DCLK2: variants seen among roughly 807,000 people sequenced by gnomAD.
DCLK2 encodes the protein doublecortin like kinase 2, also known as serine/threonine-protein kinase DCLK2.
DCLK2 carries 31 observed loss-of-function variants against 78.4 expected under a neutral mutation model. That is an observed-to-expected ratio of 0.40 (90% CI 0.30 to 0.53). The LOEUF (loss-of-function observed/expected upper bound fraction) is 0.53. Ranked by LOEUF, DCLK2 falls within the 20% of genes least tolerant of loss-of-function variation. DCLK2 has a pLI of 0.61. For synonymous variants in DCLK2, 407 were observed against 374.9 expected, an observed-to-expected ratio of 1.09 and a Z score of -0.99; for missense variants, 872 against 973.7, an observed-to-expected ratio of 0.90 and a Z score of 1.39.
intron 2 of DCLK2, among the ~76,000 whole-genome samples, chr4:150,151,740 C>T (rs1180506009): frequency 6.6e-6 from 1 of 152,088 alleles, no homozygotes; most frequent in Non-Finnish European, 1.5e-5. Context: ...GCCTGGCCAA[C>T]ATAGTGAAAC....
chr4:150,255,972 C>A, intron 15 of DCLK2, 48 bp from the exon 16 acceptor site: 1 of 1,592,802 alleles, frequency 6.3e-7, no homozygotes, highest in South Asian at 1.1e-5. Flanking sequence ...CAGCTGGGAC[C>A]CGAGCCTGGG....
intron 7 of DCLK2, among the ~76,000 whole-genome samples, chr4:150,223,447 T>A (rs1741348315): frequency 6.6e-6 from 1 of 152,160 alleles, no homozygotes; most frequent in Non-Finnish European, 1.5e-5. Context: ...TAAAGGTGAT[T>A]AAAAATTAAA....
At chr4:150,241,548 G>A (rs1411565685) in intron 12 of DCLK2, among the ~76,000 whole-genome samples, 1 of 152,204 alleles carries the variant, frequency 6.6e-6, no homozygotes, top group East Asian at 1.9e-4. Flanking sequence ...AGTAGCTACT[G>A]TGTGCCAGGC....
At chr4:150,130,441 C>G (rs575233099) in intron 2 of DCLK2, among the ~76,000 whole-genome samples, 1 of 151,946 alleles carries the variant, frequency 6.6e-6, no homozygotes, top group Non-Finnish European at 1.5e-5. Context: ...CCAGCCACAC[C>G]CGTACCCACA....
At chr4:150,116,804 G>A (rs2150175444) in intron 2 of DCLK2, among the ~76,000 whole-genome samples, 1 of 152,326 alleles carries the variant, frequency 6.6e-6, no homozygotes, top group Admixed American at 6.5e-5. Context: ...AGGCCATGGT[G>A]ATAGGTGAGG....
chr4:150,099,487 G>A (rs930371191), intron 1 of DCLK2, among the ~76,000 whole-genome samples: 1 of 152,320 alleles, frequency 6.6e-6, no homozygotes, highest in Non-Finnish European at 1.5e-5. Flanking sequence ...CAGATTGTTT[G>A]ATTTGGATGG....
At chr4:150,179,510 G>A (rs1217905138) in intron 2 of DCLK2, among the ~76,000 whole-genome samples, 1 of 152,108 alleles carries the variant, frequency 6.6e-6, no homozygotes, top group African/African-American at 2.4e-5. Flanking sequence ...CTCCTTAATT[G>A]ATGGTTCTCT....
chr4:150,194,701 G>A (rs1227517657), intron 3 of DCLK2, among the ~76,000 whole-genome samples: 1 of 152,084 alleles, frequency 6.6e-6, no homozygotes, highest in Non-Finnish European at 1.5e-5. Flanking sequence ...TTAGAGATAC[G>A]ATCCTCCTCT....
Position 150,221,773 on chromosome 4 carries a change from A to G in DCLK2, c.1229A>G (p.Glu410Gly). 6.3e-7 allele frequency: 1 copy of G among 1,597,172 alleles called. No individual in the cohort carries two copies. The highest frequency in any genetic ancestry group is 1.7e-5 in the Admixed American group (1 of 58,186). The part of the protein sequence containing the change: ...IGDGNFAVVK[E>G]CIDRSTGKEF... ...GATGGCAATTTTGCAGTAGTCAAAGAGTGTATAGACAGGTGAGTGGACAGT... is the reference window on the plus strand; with the variant it reads ...GATGGCAATTTTGCAGTAGTCAAAGGGTGTATAGACAGGTGAGTGGACAGT... Residue 410 changes from glutamate to glycine, a missense_variant, in exon 7 of 16, where the codon GAG (glutamate) becomes GGG (glycine). Coordinates refer to ENST00000296550, the MANE Select transcript of DCLK2 (RefSeq NM_001040260.4).
At chr4:150,099,528 C>A (rs1730715496) in intron 1 of DCLK2, among the ~76,000 whole-genome samples, 1 of 152,206 alleles carries the variant, frequency 6.6e-6, no homozygotes, top group Non-Finnish European at 1.5e-5. Flanking sequence ...GCTTGGGTAC[C>A]TTGATGGCTG....
intron 10 of DCLK2, among the ~76,000 whole-genome samples, chr4:150,234,258 A>G (rs1469629729): frequency 1.3e-5 from 2 of 152,218 alleles, no homozygotes; most frequent in Non-Finnish European, 2.9e-5. Context: ...AAGTTCAGTC[A>G]CAGCCACCTC....
chr4:150,191,594 C>A (rs1207208799), intron 2 of DCLK2, among the ~76,000 whole-genome samples: 1 of 152,128 alleles, frequency 6.6e-6, no homozygotes, highest in Non-Finnish European at 1.5e-5. Flanking sequence ...TAGAAGAGAA[C>A]AGGAACAATT....
rs142877517 is a variant in DCLK2 at position 150,228,075 on chromosome 4, CG to C, written c.1299+3518del. 1.3e-3 allele frequency among the ~76,000 whole-genome samples: 203 copies of C among 152,232 alleles called. 1 individual carries two copies. Among genetic ancestry groups the C allele is most frequent in the African/African-American group, 4.3e-3 (178 of 41,546 alleles). On this transcript the variant is annotated intron_variant, in intron 8 of 15. Coordinates refer to ENST00000296550, the MANE Select transcript of DCLK2 (RefSeq NM_001040260.4). ...ATCATATCCCACCAGTCTCTGCCTC[CG>C]TCTTCACGCTGCCTTCTTCTCTGTC...
chr4:150,241,638 C>A lies in DCLK2; in HGVS notation c.1778+1162C>A, dbSNP rs1469624298. ...CCTTAGTTTATTTGACTAGCCATAA[C>A]AAAATATCATATACAGTGTGGCTTA... On this transcript the variant is annotated intron_variant, in intron 12 of 15. Coordinates refer to ENST00000296550, the MANE Select transcript of DCLK2 (RefSeq NM_001040260.4). 2.6e-5 allele frequency among the ~76,000 whole-genome samples: 4 copies of A among 152,280 alleles called. No homozygotes were observed. In the South Asian group the frequency reaches 8.3e-4, roughly 32 times the overall value.
At chr4:150,206,523 A>G (rs2126464863) in intron 5 of DCLK2, among the ~76,000 whole-genome samples, 1 of 152,238 alleles carries the variant, frequency 6.6e-6, no homozygotes, top group East Asian at 1.9e-4. Context: ...GGGCTTTGCT[A>G]ACAGCTGTGA....
chr4:150,136,284 T>TA (rs1306070415), intron 2 of DCLK2, among the ~76,000 whole-genome samples: 1 of 152,220 alleles, frequency 6.6e-6, no homozygotes, highest in Non-Finnish European at 1.5e-5. Flanking sequence ...CTCTGAATGA[T>TA]AAAGTCCAGG....
chr4:150,181,529 T>C (rs115621997), intron 2 of DCLK2, among the ~76,000 whole-genome samples: 1,804 of 152,284 alleles, frequency 0.012, 34 homozygotes, highest in African/African-American at 0.04. Context: ...TAAAGCCAAA[T>C]CTTTGGTCTC....
At position 150,079,173 on chromosome 4, in the gene DCLK2, C is replaced by T. The variant is rs1349055211; in HGVS notation, c.146C>T (p.Ala49Val). The change falls in exon 1 of 16, where the codon GCG becomes GTG. Residue 49 changes from alanine to valine, a missense_variant. By Grantham distance (64) the Ala-to-Val change is moderately conservative. Transcript: ENST00000296550. ...GGGAACGGGCTCATCCCCAGTCCGG[C>T]GCACAGTGCCCACTGCAGCTTCTAC... ...PKGNGLIPSP[A>V]HSAHCSFYRT... The T allele has an allele frequency of 1.9e-6, 3 of 1,608,936 alleles. No individual in the cohort carries two copies. The highest frequency in any genetic ancestry group is 1.3e-5 in the African/African-American group (1 of 74,830).
At position 150,108,255 on chromosome 4, in the gene DCLK2, T is replaced by A. The variant is rs1276608752; in HGVS notation, c.756+5443T>A. Among the ~76,000 whole-genome samples the A allele has an allele frequency of 3.9e-5, 6 of 152,214 alleles. No homozygotes were observed. In the East Asian group the frequency reaches 1.2e-3, roughly 29 times the overall value. ...CGGGCGCAGTGGCTCACGCCTGTAATCCCAGCACTTTGGGATGCTGAGGCG... is the reference window on the plus strand; with the variant it reads ...CGGGCGCAGTGGCTCACGCCTGTAAACCCAGCACTTTGGGATGCTGAGGCG... On this transcript the variant is annotated intron_variant, in intron 2 of 15. Transcript: ENST00000296550.
Sources: allele counts gnomAD v4.1 joint callset (sites outside exome capture counted in the v4.1 genomes callset), GRCh38; gene constraint gnomAD v4.1.1; transcripts MANE v1.5; gene names NCBI Gene and HGNC (gene_info 2026-07-23, HGNC 2026-07-21).